Variants in PLA2G4A observed in about 807,000 individuals in gnomAD.
PLA2G4A encodes the protein phospholipase A2 group IVA.
Under a neutral mutation model 81.9 loss-of-function variants are expected in PLA2G4A, and 40 were observed. That is an observed-to-expected ratio of 0.49 (90% CI 0.38 to 0.64). The LOEUF is 0.64. Among genes scored for constraint, PLA2G4A ranks in the 30% least tolerant of loss-of-function variants. The pLI, the probability that PLA2G4A is intolerant of heterozygous loss-of-function variation, is 0.00. For synonymous variants in PLA2G4A, 302 were observed against 296.9 expected, an observed-to-expected ratio of 1.02 and a Z score of -0.18; for missense variants, 715 against 905.1, an observed-to-expected ratio of 0.79 and a Z score of 2.69.
At chr1:186,848,503 G>A (rs1313082072) in intron 1 of PLA2G4A, among the ~76,000 whole-genome samples, 1 of 152,128 alleles carries the variant, frequency 6.6e-6, no homozygotes, top group Non-Finnish European at 1.5e-5. Flanking sequence ...AATGTCTGCA[G>A]TGACTGGGTT....
chr1:186,962,528 T>TTATTTA (rs1330383253), intron 14 of PLA2G4A, among the ~76,000 whole-genome samples: 1 of 149,230 alleles, frequency 6.7e-6, no homozygotes, highest in African/African-American at 2.5e-5. Context: ...ATTTATTTAT[T>TTATTTA]TATTTATTTT....
At chr1:186,945,614 C>T (rs753173767) in intron 10 of PLA2G4A, among the ~76,000 whole-genome samples, 6 of 152,058 alleles carry the variant, frequency 3.9e-5, no homozygotes, top group Non-Finnish European at 8.8e-5. Context: ...GAGCCTACAG[C>T]ACTTGATTTT....
At chr1:186,859,413 A>C (rs1446604638) in intron 2 of PLA2G4A, among the ~76,000 whole-genome samples, 1 of 152,154 alleles carries the variant, frequency 6.6e-6, no homozygotes, top group African/African-American at 2.4e-5. Flanking sequence ...GAATTTTACA[A>C]GAAGAAGTCA....
chr1:186,967,181 G>C (rs964501256), intron 15 of PLA2G4A, among the ~76,000 whole-genome samples: 1 of 151,938 alleles, frequency 6.6e-6, no homozygotes, highest in Non-Finnish European at 1.5e-5. Context: ...ACCAATAATG[G>C]TTATTATAAT....
At chr1:186,877,705 CAAAAAAAA>C (rs58954006) in intron 3 of PLA2G4A, among the ~76,000 whole-genome samples, 130 of 86,916 alleles carry the variant, frequency 1.5e-3, no homozygotes, top group African/African-American at 5.5e-3. Flanking sequence ...GGCTTACTCA[CAAAAAAAA>C]AAAAAAAAAA....
chr1:186,859,337 C>T (rs1188271675), intron 2 of PLA2G4A, among the ~76,000 whole-genome samples: 2 of 152,138 alleles, frequency 1.3e-5, no homozygotes, highest in Admixed American at 1.3e-4. Flanking sequence ...AGGTGCCTTC[C>T]AACCTCAAGG....
At chr1:186,973,939 G>T in intron 15 of PLA2G4A, among the ~76,000 whole-genome samples, 1 of 151,880 alleles carries the variant, frequency 6.6e-6, no homozygotes, top group Non-Finnish European at 1.5e-5. Flanking sequence ...CTTAAAAATA[G>T]GTTTTATGTA....
chr1:186,830,586 C>A (rs972658612), intron 1 of PLA2G4A, among the ~76,000 whole-genome samples: 6 of 108,640 alleles, frequency 5.5e-5, no homozygotes, highest in Admixed American at 1.4e-4. Flanking sequence ...CCTGCCTGAG[C>A]GAAAACAGCG....
intron 1 of PLA2G4A, among the ~76,000 whole-genome samples, chr1:186,849,652 T>G (rs539375914): frequency 6.6e-6 from 1 of 152,290 alleles, no homozygotes; most frequent in African/African-American, 2.4e-5. Context: ...CTCCTCACTC[T>G]GCATGGCTAG....
chr1:186,860,440 G>A (rs183132831), intron 2 of PLA2G4A, among the ~76,000 whole-genome samples: 36 of 152,196 alleles, frequency 2.4e-4, no homozygotes, highest in Non-Finnish European at 2.6e-4. Context: ...AGTGAGGTGA[G>A]AATAAATGGG....
intron 3 of PLA2G4A, among the ~76,000 whole-genome samples, chr1:186,877,798 T>C (rs1218783428): frequency 1.4e-5 from 2 of 146,394 alleles, no homozygotes; most frequent in African/African-American, 5.1e-5. Context: ...ATGAGTAAAA[T>C]ATATGAAAGT....
chr1:186,959,984 A>T (rs1310030222), intron 14 of PLA2G4A, among the ~76,000 whole-genome samples: 1 of 152,176 alleles, frequency 6.6e-6, no homozygotes, highest in East Asian at 1.9e-4. Context: ...GTTTATATAA[A>T]TTAAAATGTG....
chr1:186,965,591 A>C lies in PLA2G4A; in HGVS notation c.1762A>C (p.Lys588Gln). 6.2e-7 allele frequency: 1 copy of C among 1,605,898 alleles called. No individual in the cohort carries two copies. Among genetic ancestry groups the C allele is most frequent in the Non-Finnish European group, 8.5e-7 (1 of 1,172,530 alleles). ...GCCAAGTGACTCTAGTCCTCCGTTC[A>C]AGGTAAGGATACATAATACAGCATT... The part of the protein sequence containing the change: ...ARPSDSSPPF[K>Q]ELLLAEKWAK... The change falls in exon 15 of 18, where the codon AAG becomes CAG. Residue 588 changes from lysine to glutamine, a missense_variant and splice_region_variant. Transcript: ENST00000367466.
intron 1 of PLA2G4A, among the ~76,000 whole-genome samples, chr1:186,841,055 A>G (rs1213011852): frequency 2.6e-5 from 4 of 152,256 alleles, no homozygotes; most frequent in African/African-American, 9.6e-5. Flanking sequence ...GTCTCTTTTA[A>G]GTAGAAGTCA....
intron 16 of PLA2G4A, among the ~76,000 whole-genome samples, chr1:186,978,541 G>C (rs1657609433): frequency 6.6e-6 from 1 of 152,142 alleles, no homozygotes; most frequent in Non-Finnish European, 1.5e-5. Flanking sequence ...GAAGATTATT[G>C]TGAAGCATAT....
At chr1:186,980,090 G>C (rs1657670410) in intron 17 of PLA2G4A, among the ~76,000 whole-genome samples, 1 of 151,872 alleles carries the variant, frequency 6.6e-6, no homozygotes, top group Admixed American at 6.6e-5. Flanking sequence ...TGGGACTACA[G>C]GCGCCTGCCA....
intron 17 of PLA2G4A, among the ~76,000 whole-genome samples, chr1:186,987,300 T>C (rs555888452): frequency 6.6e-6 from 1 of 152,216 alleles, no homozygotes; most frequent in Non-Finnish European, 1.5e-5. Flanking sequence ...CCACAGCAGT[T>C]GTGAGTGAGA....
chr1:186,890,935 A>T (rs1308866700), intron 3 of PLA2G4A, among the ~76,000 whole-genome samples: 2 of 151,986 alleles, frequency 1.3e-5, no homozygotes, highest in Admixed American at 6.6e-5. Context: ...TAATAAATAC[A>T]TGTTGATTTT....
In PLA2G4A at chr1:186,932,891, C is replaced by G. The variant is rs771587735; in HGVS notation, c.687C>G (p.Gly229=). Residue 229 remains glycine, a synonymous_variant, in exon 8 of 18, where the codon GGC becomes GGG. Transcript: ENST00000367466. ...DCATYVAGLS[G]STWYMSTLYS... ...CTACCTACGTTGCTGGTCTTTCTGGCTCCACCTGGTTAGTATACATTTTTA... is the reference window on the plus strand; with the variant it reads ...CTACCTACGTTGCTGGTCTTTCTGGGTCCACCTGGTTAGTATACATTTTTA... 2.5e-6 allele frequency: 4 copies of G among 1,609,648 alleles called. No individual in the cohort carries two copies. The highest frequency in any genetic ancestry group is 3.3e-5 in the Admixed American group (2 of 59,980).
Sources: allele counts gnomAD v4.1 joint callset (sites outside exome capture counted in the v4.1 genomes callset), GRCh38; gene constraint gnomAD v4.1.1; transcripts MANE v1.5; gene names NCBI Gene and HGNC (gene_info 2026-07-23, HGNC 2026-07-21).